The following KCNMB2 variants were observed in gnomAD, a reference collection of about 807,000 sequenced individuals.
KCNMB2 encodes the protein calcium-activated potassium channel subunit beta-2.
In KCNMB2, 9 loss-of-function variants were observed where a neutral mutation model predicts 24.5. The ratio of observed to expected loss-of-function variants is 0.37; its 90% CI spans 0.22 to 0.64. The LOEUF (loss-of-function observed/expected upper bound fraction) is 0.64, where lower values mean the gene tolerates loss of function less well. Among genes scored for constraint, KCNMB2 ranks in the 30% least tolerant of loss-of-function variants. The pLI, the probability that KCNMB2 is intolerant of heterozygous loss-of-function variation, is 0.63. For synonymous variants in KCNMB2, 109 were observed against 104.4 expected (o/e 1.04, Z -0.27); for missense variants, 226 against 284.3 (o/e 0.79, Z 1.47).
intron 1 of KCNMB2, among the ~76,000 whole-genome samples, chr3:178,562,135 A>G (rs538010487): frequency 1.3e-5 from 2 of 152,356 alleles, no homozygotes; most frequent in South Asian, 4.1e-4. Flanking sequence ...CTACCTTTCT[A>G]TAATTAGCTG....
At chr3:178,664,743 A>G (rs1158841829) in intron 1 of KCNMB2, among the ~76,000 whole-genome samples, 2 of 152,070 alleles carry the variant, frequency 1.3e-5, no homozygotes, top group East Asian at 1.9e-4. Flanking sequence ...AGGAGGGAGG[A>G]AGGGAAAAAT....
At chr3:178,559,672 C>T (rs1005454080) in intron 1 of KCNMB2, among the ~76,000 whole-genome samples, 5 of 144,902 alleles carry the variant, frequency 3.5e-5, no homozygotes, top group Admixed American at 2.1e-4. Flanking sequence ...CCCTTTTTTC[C>T]TCTGCATACT....
At chr3:178,789,048 A>T (rs1461305828) in intron 1 of KCNMB2, among the ~76,000 whole-genome samples, 1 of 152,192 alleles carries the variant, frequency 6.6e-6, no homozygotes, top group Non-Finnish European at 1.5e-5. Flanking sequence ...GGGAATAGGG[A>T]GTGTTTTGTC....
intron 2 of KCNMB2, among the ~76,000 whole-genome samples, chr3:178,822,259 T>C (rs977811375): frequency 2.6e-5 from 4 of 152,260 alleles, no homozygotes; most frequent in African/African-American, 7.2e-5. Context: ...TTTGACTCTT[T>C]GTCTCATTTG....
intron 1 of KCNMB2, among the ~76,000 whole-genome samples, chr3:178,756,231 TGTGG>T (rs1724032943): frequency 6.6e-6 from 1 of 151,604 alleles, no homozygotes; most frequent in East Asian, 1.9e-4. Flanking sequence ...TATATGTGGG[TGTGG>T]GTGTGTGTGT....
At chr3:178,706,136 C>T (rs1722270829) in intron 1 of KCNMB2, among the ~76,000 whole-genome samples, 1 of 152,110 alleles carries the variant, frequency 6.6e-6, no homozygotes, top group Admixed American at 6.6e-5. Flanking sequence ...CATTTCCTGC[C>T]TTTGGTGTCA....
chr3:178,598,193 G>A (rs1717946192), intron 1 of KCNMB2, among the ~76,000 whole-genome samples: 1 of 152,056 alleles, frequency 6.6e-6, no homozygotes. Flanking sequence ...TCTCTAAACT[G>A]GGGAGTAGTT....
intron 1 of KCNMB2, among the ~76,000 whole-genome samples, chr3:178,700,355 A>G (rs1334258767): frequency 2.0e-5 from 3 of 152,262 alleles, no homozygotes; most frequent in African/African-American, 7.2e-5. Context: ...TTCCATTTTA[A>G]GCCTAAAGGC....
At chr3:178,562,931 T>C (rs1351029) in intron 1 of KCNMB2, among the ~76,000 whole-genome samples, 95,270 of 152,116 alleles carry the variant, frequency 0.63, 31,024 homozygotes, top group African/African-American at 0.81. Context: ...ATTCCTTTTG[T>C]TTTTACTTTT....
chr3:178,737,217 C>T (rs983851905), intron 1 of KCNMB2, among the ~76,000 whole-genome samples: 4 of 152,024 alleles, frequency 2.6e-5, no homozygotes, highest in African/African-American at 9.7e-5. Flanking sequence ...TTGCAGTGAG[C>T]CGAGATGTGC....
intron 1 of KCNMB2, among the ~76,000 whole-genome samples, chr3:178,765,134 G>C (rs1160316263): frequency 6.6e-6 from 1 of 152,186 alleles, no homozygotes; most frequent in Non-Finnish European, 1.5e-5. Flanking sequence ...TTGCTAATCA[G>C]GTAATGGTGC....
intron 1 of KCNMB2, among the ~76,000 whole-genome samples, chr3:178,560,357 A>G (rs535173834): frequency 6.6e-6 from 1 of 152,300 alleles, no homozygotes; most frequent in South Asian, 2.1e-4. Flanking sequence ...TGACTAATAA[A>G]AACTGACAAT....
intron 1 of KCNMB2, among the ~76,000 whole-genome samples, chr3:178,562,577 C>T (rs1034642253): frequency 6.6e-6 from 1 of 152,240 alleles, no homozygotes; most frequent in South Asian, 2.1e-4. Flanking sequence ...ACTATACACT[C>T]TTCAGTAATG....
chr3:178,705,060 C>G (rs1722232356), intron 1 of KCNMB2, among the ~76,000 whole-genome samples: 1 of 152,030 alleles, frequency 6.6e-6, no homozygotes, highest in Non-Finnish European at 1.5e-5. Context: ...TTTTCTAAGC[C>G]AAAACCCAGA....
intron 1 of KCNMB2, among the ~76,000 whole-genome samples, chr3:178,676,549 G>T (rs776161447): frequency 3.3e-5 from 5 of 152,094 alleles, no homozygotes; most frequent in Non-Finnish European, 5.9e-5. Flanking sequence ...GAGCATCCTG[G>T]GTTTGAATTT....
rs1480096796 is a variant in KCNMB2, at chr3:178,781,940, CT to C, written c.-67-25402del. Among the ~76,000 whole-genome samples the C allele has an allele frequency of 1.0e-3, 112 of 110,126 alleles. 2 individuals are homozygous for C. Among genetic ancestry groups the C allele is most frequent in the African/African-American group, 3.7e-3 (104 of 27,890 alleles). 72.2% of individuals were successfully genotyped at this position (110,126 alleles called of 152,430 possible). ...TATCTCCCAGTGCTATCCCTCCCCCCTCCCCCCACCCCACCACAGTCCCCAG... is the reference window on the plus strand; with the variant it reads ...TATCTCCCAGTGCTATCCCTCCCCCCCCCCCCACCCCACCACAGTCCCCAG... On this transcript the variant is annotated intron_variant, in intron 1 of 4. Coordinates refer to ENST00000452583, the MANE Select transcript of KCNMB2 (RefSeq NM_181361.3).
chr3:178,716,501 T>C (rs557407013), intron 1 of KCNMB2, among the ~76,000 whole-genome samples: 2 of 149,210 alleles, frequency 1.3e-5, no homozygotes, highest in Admixed American at 6.8e-5. Flanking sequence ...TGGAGTGCAA[T>C]GGCACGATCT....
At chr3:178,717,010 G>A (rs1436070619) in intron 1 of KCNMB2, among the ~76,000 whole-genome samples, 4 of 150,772 alleles carry the variant, frequency 2.7e-5, no homozygotes, top group Admixed American at 6.6e-5. Flanking sequence ...CAGCTTGTCA[G>A]GCTTATGCCC....
intron 1 of KCNMB2, among the ~76,000 whole-genome samples, chr3:178,588,969 G>A (rs1192131630): frequency 2.0e-5 from 3 of 152,318 alleles, no homozygotes; most frequent in South Asian, 4.1e-4. Flanking sequence ...CAGCTATTAA[G>A]TGGTTTAACA....
Sources: gnomAD v4.1 joint callset for allele counts (sites outside exome capture counted in the v4.1 genomes callset) on GRCh38, gnomAD v4.1.1 for gene constraint, MANE v1.5 for transcripts, NCBI Gene and HGNC (gene_info 2026-07-23, HGNC 2026-07-21) for gene names.